The following NCKAP1 variants were observed in gnomAD, a reference collection of about 807,000 sequenced individuals.
NCKAP1 encodes the protein nck-associated protein 1.
A neutral mutation model predicts 151.2 loss-of-function variants in NCKAP1; 21 were observed. The observed-to-expected ratio is 0.14, with a 90% CI of 0.10 to 0.20. The LOEUF is 0.20. Ranked by LOEUF, NCKAP1 falls within the 10% of genes least tolerant of loss-of-function variation. The probability of loss-of-function intolerance (pLI) is 1.00; values close to 1 mark genes in which losing one functional copy is unlikely to be tolerated. For synonymous variants in NCKAP1, 484 were observed against 451.8 expected, an observed-to-expected ratio of 1.07 and a Z score of -0.90; for missense variants, 933 against 1,352.1, an observed-to-expected ratio of 0.69 and a Z score of 4.86.
intron 2 of NCKAP1, among the ~76,000 whole-genome samples, chr2:183,015,354 TG>T (rs1465231135): frequency 1.3e-5 from 2 of 151,988 alleles, no homozygotes; most frequent in African/African-American, 4.8e-5. Context: ...GAAAATTCAG[TG>T]GAAAAGCGCA....
chr2:182,922,403 C>A lies in NCKAP1; in HGVS notation c.*3299G>T, dbSNP rs1696566343. ...TCTGCTATATAAGCAAAGAAGAAAG[C>A]AAGCAAGCACATGATCAGAAGAGAA... On this transcript the variant is annotated 3_prime_UTR_variant, in exon 31 of 31. Coordinates refer to ENST00000361354, the MANE Select transcript of NCKAP1 (RefSeq NM_013436.5). The A allele has an allele frequency of 6.6e-6, 1 of 152,160 alleles. No individual in the cohort carries two copies. Among genetic ancestry groups the A allele is most frequent in the Non-Finnish European group, 1.5e-5 (1 of 68,040 alleles). The allele number at this position is 152,160 out of a possible 1,614,324, so 9.4% of individuals were successfully genotyped here. A position where few individuals can be genotyped will look rare whatever the true frequency, so the allele number is the denominator to read the frequency against.
At chr2:183,018,666 T>A (rs1698740695) in intron 2 of NCKAP1, among the ~76,000 whole-genome samples, 2 of 152,226 alleles carry the variant, frequency 1.3e-5, no homozygotes, top group South Asian at 4.1e-4. Flanking sequence ...ACAATCTTTT[T>A]TTAGCTAACA....
rs56344408 is a variant in NCKAP1, at chr2:182,953,052, T to A, written c.2372+61A>T. The A allele has an allele frequency of 9.5e-3, 14,305 of 1,502,288 alleles. 1,116 individuals are homozygous for A. In the African/African-American group the frequency reaches 0.17, roughly 18 times the overall value. 93.1% of individuals were successfully genotyped at this position (1,502,288 alleles called of 1,614,324 possible). ...AAGTACTTATTCACAAAAAAATTAA[T>A]TTTCCTAAGTACTTCATTACAAATT... is the stretch of plus-strand genomic sequence containing the variant. On this transcript the variant is annotated intron_variant, in intron 21 of 30. Transcript: ENST00000361354.
chr2:182,979,511 C>CT (rs1697895533), intron 13 of NCKAP1, among the ~76,000 whole-genome samples: 1 of 152,014 alleles, frequency 6.6e-6, no homozygotes, highest in African/African-American at 2.4e-5. Flanking sequence ...AAAGTGGATG[C>CT]TTAGCTTACA....
At chr2:182,994,346 T>C (rs924671853) in intron 8 of NCKAP1, among the ~76,000 whole-genome samples, 13 of 151,998 alleles carry the variant, frequency 8.6e-5, no homozygotes, top group Non-Finnish European at 1.3e-4. Context: ...AGCTTTAAAA[T>C]AGACTACCTG....
chr2:182,951,696 A>C (rs766888722), intron 23 of NCKAP1, among the ~76,000 whole-genome samples: 2 of 151,858 alleles, frequency 1.3e-5, no homozygotes, highest in Non-Finnish European at 2.9e-5. Context: ...GTAACCACCA[A>C]AAAGCTTTTA....
intron 10 of NCKAP1, among the ~76,000 whole-genome samples, chr2:182,984,566 T>TGTGTGTGTGTGTGTGTGTGTGTGTGTGTG (rs1324069144): frequency 4.6e-5 from 7 of 151,626 alleles, no homozygotes; most frequent in South Asian, 2.1e-4. Flanking sequence ...CTACATGACC[T>TGTGTGTGTGTGTGTGTGTGTGTGTGTGTG]TAGGTTCCAA....
intron 15 of NCKAP1, among the ~76,000 whole-genome samples, chr2:182,975,481 C>T (rs929751879): frequency 3.3e-5 from 5 of 152,012 alleles, no homozygotes; most frequent in Admixed American, 2.0e-4. Flanking sequence ...CTAAGCAGAC[C>T]GCCAGAAAAG....
In NCKAP1 at chr2:182,913,088, G is replaced by C. The variant is rs1696420472; in HGVS notation, c.*12614C>G. ...CTGTCTGCCTCCTTCATCAGATGAT[G>C]AGTAGTGACCCTAGTTTTACAGTCA... On this transcript the variant is annotated 3_prime_UTR_variant, in exon 31 of 31. Transcript: ENST00000361354. 6.6e-6 allele frequency: 1 copy of C among 152,208 alleles called. No homozygotes were observed. Among genetic ancestry groups the C allele is most frequent in the Non-Finnish European group, 1.5e-5 (1 of 68,042 alleles). The allele number at this position is 152,208 out of a possible 1,614,324, so 9.4% of individuals were successfully genotyped here.
Position 182,919,815 on chromosome 2 carries a change from C to A in NCKAP1, c.*5887G>T, listed in dbSNP as rs950386287. The A allele has an allele frequency of 3.9e-5, 6 of 152,168 alleles. No homozygotes were observed. The highest frequency in any genetic ancestry group is 8.8e-5 in the Non-Finnish European group (6 of 68,130). 9.4% of individuals were successfully genotyped at this position (152,168 alleles called of 1,614,324 possible). ...TACAGGCGCGAGCCACAAAGCCCAG[C>A]TAATTTTTGTATTTTTAGTAGAGAC... On this transcript the variant is annotated 3_prime_UTR_variant, in exon 31 of 31. Coordinates refer to ENST00000361354, the MANE Select transcript of NCKAP1 (RefSeq NM_013436.5).
In NCKAP1 at chr2:182,928,921, T is replaced by A. The variant is rs779937380; in HGVS notation, c.2954-22A>T. ...TTTTCTAAGAGACAAAAATTAAGAATAAAATCAAGGTATTTCTTCAAGATT... is the reference window on the plus strand; with the variant it reads ...TTTTCTAAGAGACAAAAATTAAGAAAAAAATCAAGGTATTTCTTCAAGATT... On this transcript the variant is annotated intron_variant, in intron 27 of 30. Coordinates refer to ENST00000361354, the MANE Select transcript of NCKAP1 (RefSeq NM_013436.5). 4.1e-6 allele frequency: 6 copies of A among 1,450,756 alleles called. No individual in the cohort carries two copies. In the African/African-American group the frequency reaches 7.1e-5, roughly 17 times the overall value. 89.9% of individuals were successfully genotyped at this position (1,450,756 alleles called of 1,614,324 possible).
intron 1 of NCKAP1, among the ~76,000 whole-genome samples, chr2:183,029,049 G>A (rs113476140): frequency 0.053 from 8,101 of 151,860 alleles, 744 homozygotes; most frequent in African/African-American, 0.19. Flanking sequence ...CCCGGAAGGC[G>A]CAGGTTGCAG....
intron 9 of NCKAP1, among the ~76,000 whole-genome samples, chr2:182,987,050 T>C (rs768049041): frequency 5.9e-5 from 9 of 152,098 alleles, no homozygotes; most frequent in Non-Finnish European, 7.4e-5. Flanking sequence ...AAGACCAGCC[T>C]GGCCAACATG....
chr2:183,018,109 T>C (rs1381309014), intron 2 of NCKAP1, among the ~76,000 whole-genome samples: 1 of 151,960 alleles, frequency 6.6e-6, no homozygotes, highest in Non-Finnish European at 1.5e-5. Context: ...TAGGCGGGCG[T>C]GGTGGCAGGC....
At chr2:182,985,077 T>C (rs1359889238) in intron 10 of NCKAP1, among the ~76,000 whole-genome samples, 1 of 152,194 alleles carries the variant, frequency 6.6e-6, no homozygotes, top group Non-Finnish European at 1.5e-5. Context: ...GCACTAGAAA[T>C]CATTTTTGAA....
intron 24 of NCKAP1, among the ~76,000 whole-genome samples, chr2:182,938,226 T>C (rs923922125): frequency 6.6e-6 from 1 of 152,180 alleles, no homozygotes; most frequent in African/African-American, 2.4e-5. Context: ...AGGCTGAAGA[T>C]AAATATTGGA....
chr2:182,973,384 T>C (rs919237122), intron 15 of NCKAP1, among the ~76,000 whole-genome samples: 2 of 151,998 alleles, frequency 1.3e-5, no homozygotes, highest in Non-Finnish European at 1.5e-5. Flanking sequence ...GAGAAGATAT[T>C]TGAAAGAGCA....
chr2:182,998,494 C>T (rs1698314336), intron 6 of NCKAP1, among the ~76,000 whole-genome samples: 1 of 151,976 alleles, frequency 6.6e-6, no homozygotes, highest in South Asian at 2.1e-4. Context: ...CAAAAATTAG[C>T]AGTATTTCTA....
chr2:183,029,859 A>C (rs1210972142), intron 1 of NCKAP1, among the ~76,000 whole-genome samples: 1 of 151,490 alleles, frequency 6.6e-6, no homozygotes, highest in Non-Finnish European at 1.5e-5. Context: ...AGGAAAAAAA[A>C]CAACAAAATA....
Sources: gnomAD v4.1 joint callset for allele counts (sites outside exome capture counted in the v4.1 genomes callset) on GRCh38, gnomAD v4.1.1 for gene constraint, MANE v1.5 for transcripts, NCBI Gene and HGNC (gene_info 2026-07-23, HGNC 2026-07-21) for gene names.